ZFYVE28: variants seen among roughly 807,000 people sequenced by gnomAD.
The protein encoded by ZFYVE28 is zinc finger FYVE-type containing 28.
ZFYVE28 carries 40 observed loss-of-function variants against 82.1 expected under a neutral mutation model. That is an observed-to-expected ratio of 0.49 (90% CI 0.38 to 0.63). The LOEUF is 0.63. Among genes scored for constraint, ZFYVE28 ranks in the 30% least tolerant of loss-of-function variants. The probability of loss-of-function intolerance (pLI) is 0.00; values close to 1 mark genes in which losing one functional copy is unlikely to be tolerated. For synonymous variants in ZFYVE28, 612 were observed against 546.1 expected, an observed-to-expected ratio of 1.12 and a Z score of -1.68; for missense variants, 1,321 against 1,242.1, an observed-to-expected ratio of 1.06 and a Z score of -0.96.
intron 6 of ZFYVE28, among the ~76,000 whole-genome samples, chr4:2,326,699 T>C (rs1719891163): frequency 6.6e-6 from 1 of 152,256 alleles, no homozygotes; most frequent in Non-Finnish European, 1.5e-5. Flanking sequence ...TCTTCTTGAA[T>C]TGATTTCATT....
chr4:2,275,418 T>C (rs894541767), intron 8 of ZFYVE28, among the ~76,000 whole-genome samples: 5 of 152,242 alleles, frequency 3.3e-5, no homozygotes, highest in African/African-American at 1.2e-4. Flanking sequence ...GTTCTTCTAA[T>C]TTTACTCTTG....
In ZFYVE28 at chr4:2,280,423, G is replaced by A. The variant is rs180854558; in HGVS notation, c.2052-6207C>T. Among the ~76,000 whole-genome samples the A allele has an allele frequency of 3.3e-5, 5 of 152,184 alleles. No individual in the cohort carries two copies. The South Asian group carries it at 6.2e-4, about 19-fold the overall frequency. ...CTCTGGAAGCTGAGGTGGGAGGATC[G>A]CTTGAGCCCAGGAGTTCAAGGGTAC... On this transcript the variant is annotated intron_variant, in intron 8 of 12. Coordinates refer to ENST00000290974, the MANE Select transcript of ZFYVE28 (RefSeq NM_020972.3).
At chr4:2,365,507 C>T (rs1726778544) in intron 1 of ZFYVE28, among the ~76,000 whole-genome samples, 1 of 152,088 alleles carries the variant, frequency 6.6e-6, no homozygotes, top group South Asian at 2.1e-4. Flanking sequence ...CCCGGCCCTG[C>T]CTCCCTGGCC....
intron 7 of ZFYVE28, among the ~76,000 whole-genome samples, chr4:2,315,388 T>C (rs985855068): frequency 2.0e-5 from 3 of 152,044 alleles, no homozygotes; most frequent in African/African-American, 7.2e-5. Context: ...CAGGTTCAAG[T>C]GATTCTCGTG....
At chr4:2,297,555 G>A (rs968963412) in intron 8 of ZFYVE28, among the ~76,000 whole-genome samples, 5 of 152,256 alleles carry the variant, frequency 3.3e-5, no homozygotes, top group African/African-American at 1.2e-4. Flanking sequence ...ACCGCCAGAA[G>A]AGCGGGGGAC....
chr4:2,395,071 T>C (rs1002209935), intron 1 of ZFYVE28, among the ~76,000 whole-genome samples: 3 of 152,190 alleles, frequency 2.0e-5, no homozygotes, highest in Non-Finnish European at 4.4e-5. Context: ...CTGAAAATCG[T>C]ACCCAATAAG....
chr4:2,275,679 C>G (rs1421868528), intron 8 of ZFYVE28, among the ~76,000 whole-genome samples: 1 of 152,236 alleles, frequency 6.6e-6, no homozygotes, highest in Non-Finnish European at 1.5e-5. Context: ...ACCACAGGAG[C>G]CTTCACCTTG....
chr4:2,379,480 T>A (rs906019977), intron 1 of ZFYVE28, among the ~76,000 whole-genome samples: 3 of 152,212 alleles, frequency 2.0e-5, no homozygotes, highest in Non-Finnish European at 2.9e-5. Context: ...GAGGCTCAGA[T>A]TGTCAGCACA....
chr4:2,285,208 C>A (rs552054860), intron 8 of ZFYVE28: 1 of 152,456 alleles, frequency 6.6e-6, no homozygotes, highest in South Asian at 2.1e-4. Flanking sequence ...GCCAGCAAGC[C>A]CCCTGAGGCT....
chr4:2,302,584 C>T (rs538753298), intron 8 of ZFYVE28, among the ~76,000 whole-genome samples: 4 of 152,236 alleles, frequency 2.6e-5, no homozygotes, highest in Non-Finnish European at 2.9e-5. Context: ...CTCAAAATGC[C>T]ACACACAGAG....
At chr4:2,379,610 G>A (rs1728514488) in intron 1 of ZFYVE28, among the ~76,000 whole-genome samples, 2 of 152,192 alleles carry the variant, frequency 1.3e-5, no homozygotes, top group South Asian at 4.1e-4. Flanking sequence ...GAGATGGCAC[G>A]CGCACCTCTG....
chr4:2,338,519 G>C (rs1722219648), intron 4 of ZFYVE28, among the ~76,000 whole-genome samples: 1 of 152,226 alleles, frequency 6.6e-6, no homozygotes. Flanking sequence ...CTTGAACTCA[G>C]GAGGTGGAGG....
intron 1 of ZFYVE28, among the ~76,000 whole-genome samples, chr4:2,369,659 G>A (rs1727278807): frequency 6.6e-6 from 1 of 151,958 alleles, no homozygotes; most frequent in African/African-American, 2.4e-5. Flanking sequence ...AGAATGCCAT[G>A]TGAAGATGGG....
At chr4:2,327,109 G>A (rs559444920) in intron 6 of ZFYVE28, among the ~76,000 whole-genome samples, 1 of 151,568 alleles carries the variant, frequency 6.6e-6, no homozygotes, top group Non-Finnish European at 1.5e-5. Context: ...AATTAGCTGG[G>A]CATGGTGGCT....
intron 1 of ZFYVE28, among the ~76,000 whole-genome samples, chr4:2,401,817 G>C (rs2108674299): frequency 6.6e-6 from 1 of 152,258 alleles, no homozygotes; most frequent in South Asian, 2.1e-4. Context: ...AAACCCTCGG[G>C]GGTCCCAGTG....
intron 8 of ZFYVE28, among the ~76,000 whole-genome samples, chr4:2,283,532 GTCCA>G (rs922691028): frequency 1.6e-5 from 2 of 126,986 alleles, no homozygotes; most frequent in Admixed American, 8.1e-5. Flanking sequence ...CTAATCATCA[GTCCA>G]TCCATCCATC....
intron 1 of ZFYVE28, among the ~76,000 whole-genome samples, chr4:2,404,860 T>TCTC (rs1553867226): frequency 7.1e-6 from 1 of 140,798 alleles, no homozygotes; most frequent in Non-Finnish European, 1.6e-5. Flanking sequence ...TCTCGCTCTT[T>TCTC]TTTTTTTTTT....
chr4:2,328,955 G>C (rs951842064), intron 6 of ZFYVE28: 2 of 505,032 alleles, frequency 4.0e-6, no homozygotes, highest in Non-Finnish European at 7.1e-6. Flanking sequence ...GTTTATTTAT[G>C]GCTTCTCAAT....
At chr4:2,318,051 A>G (rs1402368013) in intron 7 of ZFYVE28, among the ~76,000 whole-genome samples, 1 of 152,194 alleles carries the variant, frequency 6.6e-6, no homozygotes, top group South Asian at 2.1e-4. Flanking sequence ...AATGCCCCCA[A>G]GCTGCCAGCC....
Sources: allele counts gnomAD v4.1 joint callset (sites outside exome capture counted in the v4.1 genomes callset), GRCh38; gene constraint gnomAD v4.1.1; transcripts MANE v1.5; gene names NCBI Gene and HGNC (gene_info 2026-07-23, HGNC 2026-07-21).